ASH2L: variants seen among roughly 807,000 people sequenced by gnomAD.
The protein encoded by ASH2L is ASH2 like, histone lysine methyltransferase complex subunit, also known as set1/Ash2 histone methyltransferase complex subunit ASH2.
ASH2L carries 30 observed loss-of-function variants against 81.1 expected under a neutral mutation model. The ratio of observed to expected loss-of-function variants is 0.37; its 90% CI spans 0.28 to 0.50. ASH2L has a LOEUF of 0.50. Among genes scored for constraint, ASH2L ranks in the 20% least tolerant of loss-of-function variants. The pLI is 0.95. For missense variants in ASH2L, 559 were observed against 792.1 expected (o/e 0.71, Z 3.53); for synonymous variants, 273 against 279.9 (o/e 0.98, Z 0.24).
chr8:38,110,806 T>C lies in ASH2L; in HGVS notation c.558T>C (p.His186=), dbSNP rs1563250690. ...GGCAGTCCCGAACACAGGATGAACATCCGAAGACAATGTTCTCCAAAGATA... is the reference window on the plus strand; with the variant it reads ...GGCAGTCCCGAACACAGGATGAACACCCGAAGACAATGTTCTCCAAAGATA... ...LTWQSRTQDE[H]PKTMFSKDKD... The change falls in exon 5 of 16, where the codon CAT becomes CAC. Residue 186 remains histidine, a synonymous_variant. Coordinates refer to ENST00000343823, the MANE Select transcript of ASH2L (RefSeq NM_004674.5). The C allele has an allele frequency of 1.2e-6, 2 of 1,613,850 alleles. No individual in the cohort carries two copies. Among genetic ancestry groups the C allele is most frequent in the Non-Finnish European group, 1.7e-6 (2 of 1,179,928 alleles).
At chr8:38,116,825 C>A in intron 8 of ASH2L, 100 bp downstream of exon 8, 1 of 979,000 alleles carries the variant, frequency 1.0e-6, no homozygotes, top group Non-Finnish European at 1.5e-6. Context: ...AACCTGGATA[C>A]TTACTAAAAT....
At chr8:38,119,968 CAAAA>C (rs1037163781) in intron 9 of ASH2L, among the ~76,000 whole-genome samples, 1 of 151,242 alleles carries the variant, frequency 6.6e-6, no homozygotes, top group Non-Finnish European at 1.5e-5. Flanking sequence ...AAACAAAAAA[CAAAA>C]AAATTAGCTG....
chr8:38,128,940 T>C lies in ASH2L; in HGVS notation c.1516T>C (p.Tyr506His). The change falls in exon 12 of 16, where the codon TAC (tyrosine) becomes CAC (histidine). Residue 506 changes from tyrosine (Y) to histidine (H), a missense_variant. Transcript: ENST00000343823. Reference protein sequence around the residue: ...TETAKSLPDTYKDKALIKFKS... With the variant: ...TETAKSLPDTHKDKALIKFKS... ...GACAGCCAAGTCATTGCCAGACACA[T>C]ACAAAGATAAGGTGAGTTTGTCCTC... 1 of 1,612,762 alleles carries C rather than the reference T, an allele frequency of 6.2e-7. No individual in the cohort carries two copies. The highest frequency in any genetic ancestry group is 8.5e-7 in the Non-Finnish European group (1 of 1,179,554).
At chr8:38,136,604 G>A (rs1043472591) in intron 14 of ASH2L, among the ~76,000 whole-genome samples, 3 of 151,550 alleles carry the variant, frequency 2.0e-5, no homozygotes, top group African/African-American at 2.4e-5. Context: ...GCGAAACCCC[G>A]TCTCTACTGA....
intron 9 of ASH2L, among the ~76,000 whole-genome samples, chr8:38,119,746 T>C (rs1384314756): frequency 6.7e-6 from 1 of 149,966 alleles, no homozygotes; most frequent in Non-Finnish European, 1.5e-5. Context: ...CGGGTGGCAG[T>C]GAGCCAAGAT....
At chr8:38,125,335 T>C (rs769340509) in intron 10 of ASH2L, among the ~76,000 whole-genome samples, 4 of 152,280 alleles carry the variant, frequency 2.6e-5, no homozygotes, top group East Asian at 3.9e-4. Context: ...AATGCGGCTA[T>C]TGGGGCCAGG....
intron 3 of ASH2L, among the ~76,000 whole-genome samples, chr8:38,108,636 G>C (rs757619582): frequency 1.4e-4 from 22 of 151,754 alleles, no homozygotes; most frequent in Non-Finnish European, 2.5e-4. Context: ...TGACCAACAT[G>C]GTGAAACCCC....
At chr8:38,138,763 C>T in intron 14 of ASH2L, 53 bp from the exon 15 acceptor site, 2 of 1,539,910 alleles carry the variant, frequency 1.3e-6, no homozygotes, top group Admixed American at 3.4e-5. Flanking sequence ...ATTAACTTTT[C>T]CAATATTTTT....
At chr8:38,117,964 C>A (rs2130508927) in intron 8 of ASH2L, among the ~76,000 whole-genome samples, 1 of 152,212 alleles carries the variant, frequency 6.6e-6, no homozygotes, top group African/African-American at 2.4e-5. Context: ...GAGGCTGAGG[C>A]AGGAGAATCG....
At chr8:38,135,546 A>G (rs1436215435) in intron 13 of ASH2L, 122 bp from the exon 14 acceptor site, 2 of 635,620 alleles carry the variant, frequency 3.1e-6, no homozygotes, top group African/African-American at 3.7e-5. Flanking sequence ...CAAGTTATGC[A>G]CTGTTCTTGG....
In ASH2L at chr8:38,128,388, G is replaced by C. The variant is rs1801940618; in HGVS notation, c.1263G>C (p.Trp421Cys). The C allele has an allele frequency of 6.2e-7, 1 of 1,614,044 alleles. No homozygotes were observed. Among genetic ancestry groups the C allele is most frequent in the South Asian group, 1.1e-5 (1 of 91,076 alleles). ...RASHGVRKGA[W>C]YFEITVDEMP... ...CTCATGGAGTACGGAAAGGTGCCTG[G>C]TATTTTGAAATCACTGTGGATGAGA... Residue 421 changes from tryptophan (W) to cysteine (C), a missense_variant, in exon 11 of 16, where the codon TGG becomes TGC. By Grantham distance (215) the Trp-to-Cys change is radical. Around this residue, in one of 4 missense-constraint regions of ASH2L, gnomAD observed 318 missense variants for 527.0 expected, o/e 0.60. Coordinates refer to ENST00000343823, the MANE Select transcript of ASH2L (RefSeq NM_004674.5).
chr8:38,110,928 T>A (rs1351437107), intron 5 of ASH2L, 95 bp downstream of exon 5: 1 of 1,033,526 alleles, frequency 9.7e-7, no homozygotes, highest in East Asian at 2.6e-5. Context: ...CCAGTTTTTA[T>A]TGAATATATG....
chr8:38,131,731 T>G (rs1469632258), intron 12 of ASH2L, among the ~76,000 whole-genome samples: 4 of 152,180 alleles, frequency 2.6e-5, no homozygotes, highest in Admixed American at 2.6e-4. Flanking sequence ...GCATATATAC[T>G]GATTATAAAA....
intron 9 of ASH2L, 146 bp downstream of exon 9, chr8:38,119,509 T>C: frequency 1.5e-6 from 1 of 655,520 alleles, no homozygotes. Context: ...AGGGACAAAA[T>C]AACCCCAGGT....
rs1227713092 is a variant in ASH2L, at chr8:38,110,722, C to T, written c.491-17C>T. 6.2e-7 allele frequency: 1 copy of T among 1,602,340 alleles called. No homozygotes were observed. Among genetic ancestry groups the T allele is most frequent in the Non-Finnish European group, 8.5e-7 (1 of 1,170,788 alleles). On this transcript the variant is annotated splice_polypyrimidine_tract_variant and intron_variant, in intron 4 of 15. Transcript: ENST00000343823. ...TAGTACTACAGATAACTGTTTCTTC[C>T]TTTTTGTTTTTGATAGACTTGAAGG... is the stretch of plus-strand genomic sequence containing the variant.
intron 10 of ASH2L, 97 bp from the exon 11 acceptor site, chr8:38,128,194 A>AT: frequency 6.9e-7 from 1 of 1,440,752 alleles, no homozygotes; most frequent in Middle Eastern, 2.2e-4. Flanking sequence ...GATATTTGTG[A>AT]TTTTTAAATT....
intron 10 of ASH2L, among the ~76,000 whole-genome samples, chr8:38,127,248 G>A (rs1014626669): frequency 6.6e-6 from 1 of 150,690 alleles, no homozygotes; most frequent in Non-Finnish European, 1.5e-5. Flanking sequence ...CAAGAAGATC[G>A]CCTGAGGCCA....
At chr8:38,120,538 T>G (rs1019306475) in intron 9 of ASH2L, among the ~76,000 whole-genome samples, 23 of 150,194 alleles carry the variant, frequency 1.5e-4, no homozygotes, top group African/African-American at 5.6e-4. Context: ...TGCTTATGTC[T>G]CTGAGCTTCT....
chr8:38,119,471 C>A, intron 9 of ASH2L, 108 bp downstream of exon 9: 1 of 957,070 alleles, frequency 1.0e-6, no homozygotes, highest in Non-Finnish European at 1.5e-6. Flanking sequence ...AAAAGCCTGT[C>A]CATTTTTTCT....
Sources: gnomAD v4.1 joint callset for allele counts (sites outside exome capture counted in the v4.1 genomes callset) on GRCh38, gnomAD v4.1.1 for gene constraint, gnomAD v4.1.1 regional missense constraint, MANE v1.5 for transcripts, NCBI Gene and HGNC (gene_info 2026-07-23, HGNC 2026-07-21) for gene names.